ABCB9: variants seen among roughly 807,000 people sequenced by gnomAD.
ABCB9 encodes the protein ATP binding cassette subfamily B member 9.
Under a neutral mutation model 62.0 loss-of-function variants are expected in ABCB9, and 36 were observed. The observed-to-expected ratio is 0.58, with a 90% confidence interval of 0.45 to 0.77. The LOEUF is 0.77. Ranked by LOEUF, ABCB9 falls within the 30% of genes least tolerant of loss-of-function variation. The probability of loss-of-function intolerance (pLI) is 0.00; values close to 1 mark genes in which losing one functional copy is unlikely to be tolerated. For missense variants in ABCB9, 943 were observed against 1,054.7 expected (o/e 0.89, Z 1.47); for synonymous variants, 435 against 461.4 (o/e 0.94, Z 0.73).
chr12:122,930,836 C>T lies in ABCB9; in HGVS notation c.2041-665G>A, dbSNP rs1281955385. On this transcript the variant is annotated intron_variant, in intron 11 of 11. Coordinates refer to ENST00000280560, the MANE Select transcript of ABCB9 (RefSeq NM_019625.4). This position sits in a 1 kb window ranked among gnomAD's most constrained non-coding sequence, Gnocchi z 4.9. ...CTGGTGCCTGAGAAGAGCTCAGTAA[C>T]TCTCTGTGTAACAAATGAATCAATC... is the stretch of plus-strand genomic sequence containing the variant. Among the ~76,000 whole-genome samples, 1 of 152,120 alleles carries T rather than the reference C, an allele frequency of 6.6e-6. No individual in the cohort carries two copies. The highest frequency in any genetic ancestry group is 1.9e-4 in the East Asian group (1 of 5,198).
downstream of ABCB9, among the ~76,000 whole-genome samples, chr12:122,925,584 T>C (rs1212128285): frequency 6.6e-6 from 1 of 152,020 alleles, no homozygotes; most frequent in African/African-American, 2.4e-5. Flanking sequence ...CCGTCTCTAC[T>C]AAAAACGCAA....
rs777530758 is a variant in ABCB9 at position 122,948,666 on chromosome 12, G to A, written c.1011C>T (p.Pro337=). The change falls in exon 5 of 12, where the codon CCC becomes CCT. Residue 337 remains proline (P), a synonymous_variant. Coordinates refer to ENST00000280560, the MANE Select transcript of ABCB9 (RefSeq NM_019625.4). ...AGATGTTGGACACCATCATGATGAT[G>A]GGGAAGCCCATGAAGGTGACCAAGG... is the stretch of plus-strand genomic sequence containing the variant. ...QLSLVTFMGF[P]IIMMVSNIYG... The A allele has an allele frequency of 6.2e-7, 1 of 1,613,946 alleles. No individual in the cohort carries two copies. Among genetic ancestry groups the A allele is most frequent in the Non-Finnish European group, 8.5e-7 (1 of 1,179,902 alleles).
intron 7 of ABCB9, among the ~76,000 whole-genome samples, chr12:122,942,722 T>A (rs2035833538): frequency 1.3e-5 from 2 of 151,898 alleles, no homozygotes; most frequent in African/African-American, 4.8e-5. Context: ...GAAGATCACT[T>A]GAGTCCAGGA....
At chr12:122,941,591 G>A (rs2035764792) in intron 7 of ABCB9, among the ~76,000 whole-genome samples, 1 of 152,118 alleles carries the variant, frequency 6.6e-6, no homozygotes, top group Admixed American at 6.6e-5. Context: ...TTACAGGCAT[G>A]AGTCACCAGA....
In ABCB9 at chr12:122,940,357, A is replaced by C. The variant is rs1402098906; in HGVS notation, c.1570-73T>G. On this transcript the variant is annotated intron_variant, in intron 8 of 11. Transcript: ENST00000280560. This position sits in a 1 kb window ranked among gnomAD's most constrained non-coding sequence, Gnocchi z 4.8. ...AGGACTGGATGCCCTGACCTTGGAC[A>C]CAGGTGGGTGCCCTTCCCAGCCCAC... 6.3e-5 allele frequency: 95 copies of C among 1,497,274 alleles called. No homozygotes were observed. Among genetic ancestry groups the C allele is most frequent in the Non-Finnish European group, 8.9e-7 (1 of 1,120,094 alleles). 92.7% of individuals were successfully genotyped at this position (1,497,274 alleles called of 1,614,324 possible).
Position 122,944,591 on chromosome 12 carries a change from T to A in ABCB9, c.1252-72A>T, listed in dbSNP as rs143045885. ...CCCACCATCCCCATTCCCTGACCCATCCCAGGCTGCAGGGGGAGGTGAGGG... is the reference window on the plus strand; with the variant it reads ...CCCACCATCCCCATTCCCTGACCCAACCCAGGCTGCAGGGGGAGGTGAGGG... On this transcript the variant is annotated intron_variant, in intron 6 of 11. Coordinates refer to ENST00000280560, the MANE Select transcript of ABCB9 (RefSeq NM_019625.4). This position sits in a 1 kb window ranked among gnomAD's most constrained non-coding sequence, Gnocchi z 4.9. 1.2e-3 allele frequency: 1,944 copies of A among 1,575,406 alleles called. No homozygotes were observed. The highest frequency in any genetic ancestry group is 1.6e-3 in the Non-Finnish European group (1,884 of 1,158,056).
At position 122,932,252 on chromosome 12, in the gene ABCB9, G is replaced by A. The variant is rs1407857004; in HGVS notation, c.1980C>T (p.Asn660=). The A allele has an allele frequency of 2.1e-5, 33 of 1,551,896 alleles. No individual in the cohort carries two copies. The highest frequency in any genetic ancestry group is 2.7e-5 in the Non-Finnish European group (31 of 1,147,382). The change falls in exon 11 of 12, where the codon AAC becomes AAT. Residue 660 remains asparagine, a synonymous_variant. Coordinates refer to ENST00000280560, the MANE Select transcript of ABCB9 (RefSeq NM_019625.4). The surrounding 1 kb of genome is among the most constrained non-coding windows in gnomAD (Gnocchi z 4.7). ...CTTCATCCAGGATGAGGACTGGGGG[G>A]TTCCGCACCAGAGCCCGGGCCATGG... is the stretch of plus-strand genomic sequence containing the variant. ...RVAMARALVR[N]PPVLILDEAT... is the part of the protein sequence containing the mutation.
intron 1 of ABCB9, among the ~76,000 whole-genome samples, chr12:122,971,782 A>G (rs998662535): frequency 6.6e-6 from 1 of 152,082 alleles, no homozygotes; most frequent in African/African-American, 2.4e-5. Flanking sequence ...ATCCTAATGT[A>G]AACTGCCAGC....
At chr12:122,945,431 G>C (rs11060888) in intron 6 of ABCB9, among the ~76,000 whole-genome samples, 1,971 of 152,228 alleles carry the variant, frequency 0.013, 35 homozygotes, top group South Asian at 0.051. Flanking sequence ...ACTGTCGGGA[G>C]TGTGTGTGGC....
chr12:122,929,389 G>A lies in ABCB9; in HGVS notation c.*522C>T. 6.1e-6 allele frequency: 6 copies of A among 986,174 alleles called. No homozygotes were observed. The highest frequency in any genetic ancestry group is 7.2e-6 in the Non-Finnish European group (6 of 830,184). 61.1% of individuals were successfully genotyped at this position (986,174 alleles called of 1,614,324 possible). A position where few individuals can be genotyped will look rare whatever the true frequency, so the allele number is the denominator to read the frequency against. ...GGCCAGACTCACAGAGCTGGCAAGA[G>A]GGAGAGACGGAAAATCCCGTTCCCC... is the stretch of plus-strand genomic sequence containing the variant. On this transcript the variant is annotated 3_prime_UTR_variant, in exon 12 of 12. Transcript: ENST00000280560. The surrounding 1 kb of genome is among the most constrained non-coding windows in gnomAD (Gnocchi z 6.0).
upstream of ABCB9, among the ~76,000 whole-genome samples, chr12:122,967,142 C>T (rs1489146284): frequency 6.6e-6 from 1 of 152,186 alleles, no homozygotes; most frequent in Non-Finnish European, 1.5e-5. Context: ...TCAGTGACTG[C>T]CAGGTGCTGG....
At chr12:122,924,946 T>A, downstream of ABCB9, 3 of 889,662 alleles carry the variant, frequency 3.4e-6, no homozygotes, top group Non-Finnish European at 5.2e-6. Context: ...AGACAGAGTC[T>A]CACTCTGTCA....
At chr12:122,962,387 G>A (rs942246839) in intron 1 of ABCB9, among the ~76,000 whole-genome samples, 12 of 152,170 alleles carry the variant, frequency 7.9e-5, no homozygotes, top group East Asian at 3.9e-4. Flanking sequence ...GGGGTGAGGC[G>A]CTGGGTGACA....
At chr12:122,957,039 AT>A (rs60959704) in intron 2 of ABCB9, among the ~76,000 whole-genome samples, 8,377 of 142,462 alleles carry the variant, frequency 0.059, 532 homozygotes, top group African/African-American at 0.16. Flanking sequence ...TCCTTCTCCT[AT>A]TTTTTTTTTT....
chr12:122,938,689 G>A (rs535531145), intron 9 of ABCB9, among the ~76,000 whole-genome samples: 121 of 151,952 alleles, frequency 8.0e-4, no homozygotes, highest in African/African-American at 2.6e-3. Context: ...TTAGCCAGGC[G>A]TTGTGGTGTG....
chr12:122,965,041 C>A (rs965377369), intron 1 of ABCB9, among the ~76,000 whole-genome samples: 7 of 152,180 alleles, frequency 4.6e-5, no homozygotes, highest in Non-Finnish European at 7.3e-5. Context: ...TATGACACTG[C>A]AACAGAGACC....
chr12:122,949,020 C>T (rs917987728), intron 4 of ABCB9, 191 bp from the exon 5 acceptor site: 1 of 505,668 alleles, frequency 2.0e-6, no homozygotes, highest in Admixed American at 3.8e-5. Flanking sequence ...TCATCAGCAT[C>T]TTGCTTAAGC....
chr12:122,950,011 C>A, intron 3 of ABCB9, 93 bp from the exon 4 acceptor site: 2 of 1,541,594 alleles, frequency 1.3e-6, no homozygotes, highest in East Asian at 2.3e-5. Flanking sequence ...GGCCTGGGAG[C>A]CCCACCGCAG....
chr12:122,923,529 TCCGCCCG>T (rs2034809067), intron 11 of ABCB9, among the ~76,000 whole-genome samples: 1 of 152,096 alleles, frequency 6.6e-6, no homozygotes, highest in Non-Finnish European at 1.5e-5. Context: ...GACCTCGTGA[TCCGCCCG>T]CCTTGGCCTC....
Sources: allele counts gnomAD v4.1 joint callset (sites outside exome capture counted in the v4.1 genomes callset), GRCh38; gene constraint gnomAD v4.1.1; non-coding constraint Gnocchi (gnomAD v3.1); transcripts MANE v1.5; gene names NCBI Gene and HGNC (gene_info 2026-07-23, HGNC 2026-07-21).